Variants in WDR27 observed in about 807,000 individuals in gnomAD.
WDR27 encodes WD repeat domain 27.
A neutral mutation model predicts 114.4 loss-of-function variants in WDR27; 100 were observed. That is an observed-to-expected ratio of 0.87 (90% CI 0.74 to 1.03). The LOEUF is 1.03. WDR27 is among the 50% of genes least tolerant of loss of function. WDR27 has a pLI of 0.00. For synonymous variants in WDR27, 449 were observed against 423.1 expected, an observed-to-expected ratio of 1.06 and a Z score of -0.75; for missense variants, 1,129 against 1,092.9, an observed-to-expected ratio of 1.03 and a Z score of -0.47.
At chr6:169,497,409 G>T (rs1011406923) in intron 25 of WDR27, among the ~76,000 whole-genome samples, 1 of 152,098 alleles carries the variant, frequency 6.6e-6, no homozygotes, top group Non-Finnish European at 1.5e-5. Flanking sequence ...AAATAGGCAA[G>T]TTGGACTTCG....
chr6:169,516,876 G>A (rs528580588), intron 25 of WDR27, among the ~76,000 whole-genome samples: 1 of 149,508 alleles, frequency 6.7e-6, no homozygotes, highest in African/African-American at 2.5e-5. Context: ...TTGGTTCCAG[G>A]CATTTAGGAA....
At chr6:169,583,166 C>T (rs1276205021) in intron 23 of WDR27, among the ~76,000 whole-genome samples, 1 of 152,004 alleles carries the variant, frequency 6.6e-6, no homozygotes, top group Non-Finnish European at 1.5e-5. Context: ...TTATGTCATA[C>T]TTTCTATTTA....
chr6:169,689,015 G>A lies in WDR27; in HGVS notation c.-7-3C>T, dbSNP rs370390969. On this transcript the variant is annotated splice_region_variant and splice_polypyrimidine_tract_variant and intron_variant, in intron 1 of 25. Transcript: ENST00000448612. ...CTTGGGGATTTTCCATCTTCAATCT[G>A]AAAACAAAAAGTACATATAAGATGA... 1 of 1,599,526 alleles carries A rather than the reference G, an allele frequency of 6.3e-7. No homozygotes were observed. Among genetic ancestry groups the A allele is most frequent in the Non-Finnish European group, 8.5e-7 (1 of 1,173,590 alleles).
chr6:169,679,763 C>A (rs1239542087), intron 2 of WDR27, among the ~76,000 whole-genome samples: 2 of 152,228 alleles, frequency 1.3e-5, no homozygotes, highest in Non-Finnish European at 2.9e-5. Context: ...CCAATTAAAT[C>A]TCTTTTCTTT....
intron 25 of WDR27, among the ~76,000 whole-genome samples, chr6:169,570,313 A>C (rs183855009): frequency 6.6e-6 from 1 of 152,336 alleles, no homozygotes; most frequent in East Asian, 1.9e-4. Context: ...ACAAATTTCA[A>C]CACAGATGAA....
chr6:169,595,623 C>T (rs1489804215), intron 23 of WDR27, among the ~76,000 whole-genome samples: 1 of 152,156 alleles, frequency 6.6e-6, no homozygotes, highest in Non-Finnish European at 1.5e-5. Context: ...TATATTCTCA[C>T]ATCTCCCAGT....
chr6:169,586,383 C>G (rs981207646), intron 23 of WDR27, among the ~76,000 whole-genome samples: 4 of 152,120 alleles, frequency 2.6e-5, no homozygotes, highest in African/African-American at 9.7e-5. Flanking sequence ...ATGATGCTCT[C>G]TCTATCAAAG....
chr6:169,669,071 T>C (rs964324578), intron 4 of WDR27, among the ~76,000 whole-genome samples: 3 of 152,250 alleles, frequency 2.0e-5, no homozygotes, highest in African/African-American at 7.2e-5. Context: ...AGCTAGTCCA[T>C]TGTCTATGAT....
At chr6:169,645,334 G>A (rs1820394932) in intron 16 of WDR27, among the ~76,000 whole-genome samples, 1 of 148,530 alleles carries the variant, frequency 6.7e-6, no homozygotes, top group Non-Finnish European at 1.5e-5. Flanking sequence ...GAGTCACACT[G>A]TAGAAATTCC....
In WDR27 at chr6:169,640,942, G is replaced by A. The variant is rs200465521; in HGVS notation, c.1748-2282C>T. 5.3e-5 allele frequency among the ~76,000 whole-genome samples: 8 copies of A among 152,336 alleles called. No homozygotes were observed. The East Asian group carries it at 1.5e-3, about 29-fold the overall frequency. On this transcript the variant is annotated intron_variant, in intron 17 of 25. Coordinates refer to ENST00000448612, the MANE Select transcript of WDR27 (RefSeq NM_182552.5). ...TACGTGAGGCCACACAGGAGGGAGG[G>A]TCAAGTCACTGCTACTCATGCCCTT...
intron 23 of WDR27, among the ~76,000 whole-genome samples, chr6:169,594,112 A>G (rs1257288968): frequency 6.6e-6 from 1 of 152,212 alleles, no homozygotes; most frequent in Non-Finnish European, 1.5e-5. Context: ...TGGGTATTCC[A>G]GAGACACTGA....
intron 25 of WDR27, among the ~76,000 whole-genome samples, chr6:169,488,491 G>GA (rs1215049129): frequency 1.1e-4 from 16 of 152,208 alleles, no homozygotes; most frequent in African/African-American, 3.9e-4. Context: ...AAAGAAAGGA[G>GA]AAAATGAGCA....
chr6:169,542,255 T>C lies in WDR27; in HGVS notation c.2645+30164A>G, dbSNP rs117492895. ...CTTATTAATTTTATAAAGAAAAATA[T>C]TGACTTTATAATAGGGAAATCTGAT... On this transcript the variant is annotated intron_variant, in intron 25 of 25. Coordinates refer to ENST00000448612, the MANE Select transcript of WDR27 (RefSeq NM_182552.5). 4.4e-3 allele frequency among the ~76,000 whole-genome samples: 673 copies of C among 152,248 alleles called. 2 individuals carry two copies. The highest frequency in any genetic ancestry group is 6.8e-3 in the Middle Eastern group (2 of 294).
At chr6:169,583,010 G>A in intron 23 of WDR27, 76 bp from the exon 24 acceptor site, 7 of 1,289,072 alleles carry the variant, frequency 5.4e-6, no homozygotes, top group Non-Finnish European at 7.7e-6. Context: ...AGAGCAGAGG[G>A]ACCATCTATA....
chr6:169,482,173 C>G (rs1788254609), intron 25 of WDR27, among the ~76,000 whole-genome samples: 1 of 152,094 alleles, frequency 6.6e-6, no homozygotes, highest in Non-Finnish European at 1.5e-5. Context: ...GTATATGTAC[C>G]ACATTTTCTT....
intron 25 of WDR27, among the ~76,000 whole-genome samples, chr6:169,509,273 A>G (rs1417060796): frequency 6.6e-6 from 1 of 152,216 alleles, no homozygotes; most frequent in Non-Finnish European, 1.5e-5. Flanking sequence ...GAATTGGAAA[A>G]AACTATTTTA....
intron 25 of WDR27, among the ~76,000 whole-genome samples, chr6:169,507,577 T>G (rs2115513523): frequency 6.6e-6 from 1 of 152,318 alleles, no homozygotes; most frequent in African/African-American, 2.4e-5. Flanking sequence ...ATTCTACGCT[T>G]CTTGTCTGCT....
At chr6:169,535,230 G>C (rs527461005) in intron 25 of WDR27, among the ~76,000 whole-genome samples, 8 of 152,144 alleles carry the variant, frequency 5.3e-5, no homozygotes, top group Non-Finnish European at 1.0e-4. Flanking sequence ...CCTAACAGTA[G>C]AGTAAACAAC....
At chr6:169,594,993 G>GA (rs1275556166) in intron 23 of WDR27, among the ~76,000 whole-genome samples, 1 of 152,146 alleles carries the variant, frequency 6.6e-6, no homozygotes, top group African/African-American at 2.4e-5. Context: ...ACCACATAGT[G>GA]AAACCTCATC....
Sources: allele counts gnomAD v4.1 joint callset (sites outside exome capture counted in the v4.1 genomes callset), GRCh38; gene constraint gnomAD v4.1.1; transcripts MANE v1.5; gene names NCBI Gene and HGNC (gene_info 2026-07-23, HGNC 2026-07-21).